Variants in SMC5 observed in about 807,000 individuals in gnomAD.
SMC5 encodes structural maintenance of chromosomes protein 5.
SMC5 carries 88 observed loss-of-function variants against 148.3 expected under a neutral mutation model. The observed-to-expected ratio is 0.59, with a 90% CI of 0.50 to 0.71. The LOEUF is 0.71. SMC5 is among the 30% of genes least tolerant of loss of function. The pLI, the probability that SMC5 is intolerant of heterozygous loss-of-function variation, is 0.00. For synonymous variants in SMC5, 421 were observed against 432.8 expected, an observed-to-expected ratio of 0.97 and a Z score of 0.34; for missense variants, 1,142 against 1,298.9, an observed-to-expected ratio of 0.88 and a Z score of 1.86.
intron 17 of SMC5, among the ~76,000 whole-genome samples, chr9:70,328,872 A>G (rs1036942846): frequency 1.3e-5 from 2 of 152,144 alleles, no homozygotes; most frequent in African/African-American, 4.8e-5. Flanking sequence ...TTTGAAACCT[A>G]AGCAGAGTCT....
chr9:70,258,996 G>C lies in SMC5; in HGVS notation c.-83G>C. The C allele has an allele frequency of 6.9e-7, 1 of 1,439,214 alleles. No individual in the cohort carries two copies. The highest frequency in any genetic ancestry group is 9.2e-7 in the Non-Finnish European group (1 of 1,086,362). 89.2% of individuals were successfully genotyped at this position (1,439,214 alleles called of 1,614,324 possible). ...TCGCGGCAGTTCGCGCGGGAGCGGG[G>C]CGCCTGGGTGGATGGGCGCTTGGGC... is the stretch of plus-strand genomic sequence containing the variant. On this transcript the variant is annotated 5_prime_UTR_variant, in exon 1 of 25. Transcript: ENST00000361138.
chr9:70,301,490 G>A (rs1177343313), intron 10 of SMC5, among the ~76,000 whole-genome samples: 1 of 152,132 alleles, frequency 6.6e-6, no homozygotes, highest in Non-Finnish European at 1.5e-5. Flanking sequence ...TCTAGGTCTA[G>A]TTGAAATGCC....
At chr9:70,279,800 A>G (rs1333216435) in intron 5 of SMC5, among the ~76,000 whole-genome samples, 3 of 150,086 alleles carry the variant, frequency 2.0e-5, no homozygotes, top group Admixed American at 6.7e-5. Context: ...CTGGGCAACA[A>G]GAGCAAAACT....
intron 13 of SMC5, among the ~76,000 whole-genome samples, chr9:70,318,061 G>A (rs957750194): frequency 3.9e-5 from 6 of 151,920 alleles, no homozygotes; most frequent in East Asian, 3.9e-4. Context: ...TGTATGGGCC[G>A]CCTTTTTTGA....
At chr9:70,335,091 A>G (rs923511146) in intron 17 of SMC5, among the ~76,000 whole-genome samples, 32 of 152,210 alleles carry the variant, frequency 2.1e-4, no homozygotes, top group Non-Finnish European at 1.5e-5. Flanking sequence ...GTGGAAAATC[A>G]TTTGGGAGTT....
chr9:70,303,975 T>C (rs11998951), intron 10 of SMC5, among the ~76,000 whole-genome samples: 32,170 of 152,166 alleles, frequency 0.21, 3,543 homozygotes, highest in South Asian at 0.28. Flanking sequence ...AACATAGTTA[T>C]TCATCTGCAA....
Position 70,305,175 on chromosome 9 carries a change from T to C in SMC5, c.1465-72T>C, listed in dbSNP as rs1305281361. Reference sequence around the variant, plus strand: ...AGTATTACAATCTAATTAAATCCAATTTTAATATAAACATGTTTTAATAAT... The same window carrying C: ...AGTATTACAATCTAATTAAATCCAACTTTAATATAAACATGTTTTAATAAT... On this transcript the variant is annotated intron_variant, in intron 10 of 24. Transcript: ENST00000361138. 3 of 673,872 alleles carry C rather than the reference T, an allele frequency of 4.5e-6. No individual in the cohort carries two copies. In the African/African-American group the frequency reaches 5.5e-5, roughly 12 times the overall value. 41.7% of individuals were successfully genotyped at this position (673,872 alleles called of 1,614,324 possible).
intron 8 of SMC5, among the ~76,000 whole-genome samples, chr9:70,288,323 A>T (rs936875464): frequency 7.9e-5 from 12 of 151,996 alleles, no homozygotes; most frequent in African/African-American, 2.9e-4. Flanking sequence ...ATACTCTTGG[A>T]TCAGTTTCAA....
intron 17 of SMC5, among the ~76,000 whole-genome samples, chr9:70,332,267 T>A (rs1343112967): frequency 6.6e-6 from 1 of 152,152 alleles, no homozygotes; most frequent in Non-Finnish European, 1.5e-5. Flanking sequence ...CACACTGTAA[T>A]CCCGGCACTT....
In SMC5 at chr9:70,352,945, G is replaced by A. The variant is rs2036835932; in HGVS notation, c.*614G>A. 6.6e-6 allele frequency: 1 copy of A among 151,672 alleles called. No homozygotes were observed. Among genetic ancestry groups the A allele is most frequent in the Non-Finnish European group, 1.5e-5 (1 of 67,972 alleles). The allele number at this position is 151,672 out of a possible 1,614,324, so 9.4% of individuals were successfully genotyped here. A position where few individuals can be genotyped will look rare whatever the true frequency, so the allele number is the denominator to read the frequency against. On this transcript the variant is annotated 3_prime_UTR_variant, in exon 25 of 25. Transcript: ENST00000361138. ...GGTATTTCAAGGGGAAAAAAGCACT[G>A]GGGTTCAAAAATGGTAGCAGAACTG...
At position 70,341,249 on chromosome 9, in the gene SMC5, CACCA is replaced by C. The variant is rs769045891; in HGVS notation, c.2398-2893_2398-2890del. Among the ~76,000 whole-genome samples the C allele has an allele frequency of 2.0e-5, 3 of 152,154 alleles. No homozygotes were observed. In the South Asian group the frequency reaches 6.2e-4, roughly 32 times the overall value. ...GATAAATATTTTATTACACATATGC[CACCA>C]AACAAACTATTAAATGAGGTTTTGT... is the stretch of plus-strand genomic sequence containing the variant. On this transcript the variant is annotated intron_variant, in intron 17 of 24. Coordinates refer to ENST00000361138, the MANE Select transcript of SMC5 (RefSeq NM_015110.4).
chr9:70,288,710 T>C (rs577827247), intron 8 of SMC5, among the ~76,000 whole-genome samples: 2 of 152,306 alleles, frequency 1.3e-5, no homozygotes, highest in East Asian at 1.9e-4. Context: ...TGAGGTTACC[T>C]AGCAGTTCTT....
intron 2 of SMC5, among the ~76,000 whole-genome samples, chr9:70,266,708 A>G (rs1181546108): frequency 2.0e-5 from 3 of 152,176 alleles, no homozygotes; most frequent in African/African-American, 4.8e-5. Flanking sequence ...AAGAATATTT[A>G]ATGTATTTTT....
intron 11 of SMC5, 129 bp downstream of exon 11, chr9:70,305,489 T>A (rs1021271201): frequency 1.7e-6 from 1 of 582,866 alleles, no homozygotes; most frequent in African/African-American, 1.9e-5. Context: ...AAAATCACTC[T>A]GTTTTGCTAA....
At chr9:70,312,013 T>C (rs1424826624) in intron 11 of SMC5, 4 of 149,760 alleles carry the variant, frequency 2.7e-5, no homozygotes, top group Non-Finnish European at 4.4e-5. Flanking sequence ...ATCCCAGCTA[T>C]GCAAGAGGCT....
chr9:70,281,500 T>C (rs1417690290), intron 6 of SMC5, among the ~76,000 whole-genome samples: 1 of 152,228 alleles, frequency 6.6e-6, no homozygotes, highest in African/African-American at 2.4e-5. Context: ...AATCTTTGGG[T>C]GTCCTCAGTC....
chr9:70,342,585 C>T (rs1196170118), intron 17 of SMC5, among the ~76,000 whole-genome samples: 3 of 152,024 alleles, frequency 2.0e-5, no homozygotes, highest in Non-Finnish European at 4.4e-5. Context: ...CTGCTAGTTC[C>T]GTAACCTTGG....
At chr9:70,332,228 TA>T (rs1481719535) in intron 17 of SMC5, among the ~76,000 whole-genome samples, 1 of 152,086 alleles carries the variant, frequency 6.6e-6, no homozygotes, top group Non-Finnish European at 1.5e-5. Flanking sequence ...CAAGCATTTA[TA>T]AAATAATCCC....
intron 8 of SMC5, among the ~76,000 whole-genome samples, chr9:70,297,481 G>A (rs1316134710): frequency 2.0e-5 from 3 of 152,174 alleles, no homozygotes; most frequent in Non-Finnish European, 2.9e-5. Context: ...TGTCATGTCA[G>A]CACTAAAAAA....
Sources: allele counts gnomAD v4.1 joint callset (sites outside exome capture counted in the v4.1 genomes callset), GRCh38; gene constraint gnomAD v4.1.1; transcripts MANE v1.5; gene names NCBI Gene and HGNC (gene_info 2026-07-23, HGNC 2026-07-21).